ABCG2: variants seen among roughly 807,000 people sequenced by gnomAD.
ABCG2 encodes the protein ATP binding cassette subfamily G member 2 (JR blood group).
Under a neutral mutation model 73.5 loss-of-function variants are expected in ABCG2, and 80 were observed. The observed-to-expected ratio is 1.09, with a 90% CI of 0.91 to 1.31. The LOEUF (loss-of-function observed/expected upper bound fraction) is 1.31. Among genes scored for constraint, ABCG2 ranks in the 50% most tolerant of loss-of-function variants. The pLI, the probability that ABCG2 is intolerant of heterozygous loss-of-function variation, is 0.00. For synonymous variants in ABCG2, 269 were observed against 282.4 expected (o/e 0.95, Z 0.48); for missense variants, 796 against 786.2 (o/e 1.01, Z -0.15).
chr4:88,129,846 A>G (rs2725256), intron 5 of ABCG2, among the ~76,000 whole-genome samples: 54,030 of 151,806 alleles, frequency 0.36, 9,756 homozygotes, highest in South Asian at 0.38. Flanking sequence ...TGTAAAGTTC[A>G]TTCATTCATG....
At chr4:88,099,857 T>C (rs1199261642) in intron 11 of ABCG2, among the ~76,000 whole-genome samples, 1 of 152,126 alleles carries the variant, frequency 6.6e-6, no homozygotes, top group Non-Finnish European at 1.5e-5. Context: ...TCCCTATTTC[T>C]GATGAGGAAG....
intron 1 of ABCG2, among the ~76,000 whole-genome samples, chr4:88,209,644 G>A (rs1021481936): frequency 1.3e-5 from 2 of 151,656 alleles, no homozygotes; most frequent in Non-Finnish European, 2.9e-5. Context: ...CTGGGTGAGA[G>A]CAAGACTCTG....
intron 1 of ABCG2, among the ~76,000 whole-genome samples, chr4:88,168,291 A>G (rs1473018937): frequency 2.6e-5 from 4 of 152,154 alleles, no homozygotes; most frequent in African/African-American, 9.7e-5. Context: ...GATTGAGACC[A>G]TCCTGGCCAA....
intron 1 of ABCG2, among the ~76,000 whole-genome samples, chr4:88,175,692 A>G (rs13128083): frequency 0.24 from 36,130 of 152,130 alleles, 5,675 homozygotes; most frequent in African/African-American, 0.45. Context: ...GGCCAGTGAA[A>G]GGCCCTTCAA....
intron 1 of ABCG2, among the ~76,000 whole-genome samples, chr4:88,147,407 C>A (rs1726133120): frequency 6.6e-6 from 1 of 152,244 alleles, no homozygotes; most frequent in Admixed American, 6.5e-5. Flanking sequence ...GAACTTTCTT[C>A]TTCTTCATGC....
chr4:88,101,322 G>T lies in ABCG2; in HGVS notation c.1278-3C>A. 1.2e-6 allele frequency: 2 copies of T among 1,613,896 alleles called. No individual in the cohort carries two copies. Among genetic ancestry groups the T allele is most frequent in the Non-Finnish European group, 1.7e-6 (2 of 1,179,814 alleles). ...TCAGGAAGAAGAGAACCCCAGCTCT[G>T]CCATGAAAAGGGGAACCAAATCACC... On this transcript the variant is annotated splice_polypyrimidine_tract_variant and splice_region_variant and intron_variant, in intron 10 of 15. Coordinates refer to ENST00000237612, the MANE Select transcript of ABCG2 (RefSeq NM_004827.3).
intron 1 of ABCG2, among the ~76,000 whole-genome samples, chr4:88,147,821 G>C (rs1726156910): frequency 6.6e-6 from 1 of 152,186 alleles, no homozygotes; most frequent in Non-Finnish European, 1.5e-5. Flanking sequence ...ATACAGAATA[G>C]ACTGAGCATG....
chr4:88,210,730 T>A (rs1349202755), intron 1 of ABCG2, among the ~76,000 whole-genome samples: 1 of 151,998 alleles, frequency 6.6e-6, no homozygotes, highest in African/African-American at 2.4e-5. Flanking sequence ...TACCTGGGAA[T>A]ATAGGCACTT....
At chr4:88,114,879 T>C in intron 8 of ABCG2, 78 bp downstream of exon 8, 1 of 933,510 alleles carries the variant, frequency 1.1e-6, no homozygotes, top group Admixed American at 2.2e-5. Context: ...CAAAGCCACA[T>C]TTTAATTAGC....
At chr4:88,186,180 C>G (rs2110103591) in intron 1 of ABCG2, among the ~76,000 whole-genome samples, 1 of 152,136 alleles carries the variant, frequency 6.6e-6, no homozygotes, top group East Asian at 1.9e-4. Flanking sequence ...ACTATTCAGC[C>G]ACAAAAAAAT....
chr4:88,186,534 G>A (rs1036695853), intron 1 of ABCG2, among the ~76,000 whole-genome samples: 1 of 152,162 alleles, frequency 6.6e-6, no homozygotes, highest in Non-Finnish European at 1.5e-5. Flanking sequence ...CCAGCAATAT[G>A]GGAAGCTGAG....
At chr4:88,101,124 G>A in intron 11 of ABCG2, 106 bp downstream of exon 11, 1 of 812,164 alleles carries the variant, frequency 1.2e-6, no homozygotes, top group Non-Finnish European at 2.0e-6. Flanking sequence ...AAAAAGTACT[G>A]GTAATCCTCC....
rs568068174 is a variant in ABCG2 at position 88,123,256 on chromosome 4, C to T, written c.532-1464G>A. Among the ~76,000 whole-genome samples, 170 of 152,252 alleles carry T rather than the reference C, an allele frequency of 1.1e-3. 1 individual carries two copies. The highest frequency in any genetic ancestry group is 3.9e-3 in the African/African-American group (163 of 41,568). ...GCAAAAAGGCAGAATGCCTCTTCTC[C>T]TCCAAAGGATCACAGCTCCTCGCCA... On this transcript the variant is annotated intron_variant, in intron 5 of 15. Coordinates refer to ENST00000237612, the MANE Select transcript of ABCG2 (RefSeq NM_004827.3).
intron 1 of ABCG2, among the ~76,000 whole-genome samples, chr4:88,197,647 A>AT (rs1191790475): frequency 6.6e-6 from 1 of 151,668 alleles, no homozygotes; most frequent in Non-Finnish European, 1.5e-5. Context: ...ACTAAAAAAA[A>AT]TTTTTAAATG....
chr4:88,229,787 C>T (rs1730378390), intron 1 of ABCG2, among the ~76,000 whole-genome samples: 1 of 152,020 alleles, frequency 6.6e-6, no homozygotes, highest in Non-Finnish European at 1.5e-5. Context: ...ATGCAACTTT[C>T]AGATAACTGT....
intron 5 of ABCG2, among the ~76,000 whole-genome samples, chr4:88,122,605 C>G (rs1263896365): frequency 1.3e-5 from 2 of 152,200 alleles, no homozygotes; most frequent in African/African-American, 4.8e-5. Context: ...GCCAGACTGC[C>G]TCTCTAGATT....
intron 1 of ABCG2, among the ~76,000 whole-genome samples, chr4:88,229,062 C>G (rs964256241): frequency 2.0e-5 from 3 of 152,198 alleles, no homozygotes; most frequent in Non-Finnish European, 4.4e-5. Context: ...CCGCTTGGGT[C>G]CCCTTCCACA....
At chr4:88,226,967 C>T in intron 1 of ABCG2, 1 of 152,110 alleles carries the variant, frequency 6.6e-6, no homozygotes, top group East Asian at 1.9e-4. Flanking sequence ...TAAAAATTCG[C>T]TGTGTGTGGT....
At chr4:88,118,328 CT>C in intron 6 of ABCG2, 68 bp from the exon 7 acceptor site, 2 of 1,506,140 alleles carry the variant, frequency 1.3e-6, no homozygotes, top group Non-Finnish European at 1.8e-6. Flanking sequence ...GTAAAATACT[CT>C]ATTCTTGCCT....
Sources: gnomAD v4.1 joint callset for allele counts (sites outside exome capture counted in the v4.1 genomes callset) on GRCh38, gnomAD v4.1.1 for gene constraint, MANE v1.5 for transcripts, NCBI Gene and HGNC (gene_info 2026-07-23, HGNC 2026-07-21) for gene names.